Variants in COL11A2 observed in about 807,000 individuals in gnomAD.
COL11A2 encodes the protein collagen alpha-2(XI) chain.
In COL11A2, 116 loss-of-function variants were observed where a neutral mutation model predicts 273.4. That is an observed-to-expected ratio of 0.42 (90% CI 0.36 to 0.49). COL11A2 has a LOEUF of 0.49. COL11A2 is among the 20% of genes least tolerant of loss of function. COL11A2 has a pLI of 0.00. For missense variants in COL11A2, 1,866 were observed against 2,309.0 expected (o/e 0.81, Z 3.93); for synonymous variants, 782 against 864.2 (o/e 0.90, Z 1.67).
Position 33,177,922 on chromosome 6 carries a change from C to A in COL11A2, c.1872+210G>T. ...TTTCTTGAAGATTTATTTCCTATGC[C>A]CAGAGCCCTCAGGGCACCACGCCAC... On this transcript the variant is annotated intron_variant, in intron 21 of 65. Coordinates refer to ENST00000341947, the MANE Select transcript of COL11A2 (RefSeq NM_080680.3). This position sits in a 1 kb window ranked among gnomAD's most constrained non-coding sequence, Gnocchi z 5.9. The A allele has an allele frequency of 1.3e-6, 1 of 764,228 alleles. No individual in the cohort carries two copies. Among genetic ancestry groups the A allele is most frequent in the South Asian group, 1.7e-5 (1 of 57,770 alleles). 47.3% of individuals were successfully genotyped at this position (764,228 alleles called of 1,614,324 possible).
chr6:33,171,701 C>T lies in COL11A2; in HGVS notation c.3150+12G>A, dbSNP rs761805389. On this transcript the variant is annotated intron_variant, in intron 42 of 65. Transcript: ENST00000341947. ...CCTCCCCAGTACCCCTCCCCAATAC[C>T]CCCACACTCACTGGGACACCTTTCT... 3.7e-6 allele frequency: 6 copies of T among 1,611,902 alleles called. No homozygotes were observed. Among genetic ancestry groups the T allele is most frequent in the Non-Finnish European group, 5.1e-6 (6 of 1,179,308 alleles).
At position 33,168,987 on chromosome 6, in the gene COL11A2, C is replaced by G. The variant is rs1769630992; in HGVS notation, c.3820G>C (p.Asp1274His). ...CCACCTTCTCCAGGGGGGCCAGGGT[C>G]ACCAGGAAAACCAACAGGACCCTGA... ...GNPGPVGFPG[D>H]PGPPGEGGPR... Residue 1274 changes from aspartate to histidine, a missense_variant, in exon 52 of 66, where the codon GAC (aspartate) becomes CAC (histidine). Asp to His is a moderately conservative substitution (Grantham distance 81, BLOSUM62 -1). Transcript: ENST00000341947. 1.9e-6 allele frequency: 3 copies of G among 1,606,388 alleles called. No homozygotes were observed. In the African/African-American group the frequency reaches 4.0e-5, roughly 22 times the overall value.
rs573761003 is a variant in COL11A2 at position 33,192,113 on chromosome 6, AG to A, written c.82+45del. Reference sequence around the variant, plus strand: ...CTGGCCCCTTCCCAGAGACACTCAGAGCTCCAGCCTGACTCCGAGGACCCAG... The same window carrying A: ...CTGGCCCCTTCCCAGAGACACTCAGACTCCAGCCTGACTCCGAGGACCCAG... On this transcript the variant is annotated intron_variant, in intron 1 of 65. Transcript: ENST00000341947. 2.1e-4 allele frequency: 316 copies of A among 1,524,478 alleles called. 4 individuals are homozygous for A. In the Admixed American group the frequency reaches 3.4e-3, roughly 17 times the overall value. 94.4% of individuals were successfully genotyped at this position (1,524,478 alleles called of 1,614,324 possible). A position where few individuals can be genotyped will look rare whatever the true frequency, so the allele number is the denominator to read the frequency against.
chr6:33,170,010 C>T lies in COL11A2; in HGVS notation c.3636+37G>A. Reference sequence around the variant, plus strand: ...GCAGAAATCCAACTCCCATCCCCCACTTCCATGACTGGTCCACTCACCCCC... The same window carrying T: ...GCAGAAATCCAACTCCCATCCCCCATTTCCATGACTGGTCCACTCACCCCC... On this transcript the variant is annotated intron_variant, in intron 49 of 65. Transcript: ENST00000341947. This position sits in a 1 kb window ranked among gnomAD's most constrained non-coding sequence, Gnocchi z 4.3. 2 of 1,613,300 alleles carry T rather than the reference C, an allele frequency of 1.2e-6. No homozygotes were observed. The highest frequency in any genetic ancestry group is 1.7e-6 in the Non-Finnish European group (2 of 1,179,836).
At position 33,166,876 on chromosome 6, in the gene COL11A2, G is replaced by C. The variant is rs1476013770; in HGVS notation, c.4231-49C>G. 1 of 1,590,906 alleles carries C rather than the reference G, an allele frequency of 6.3e-7. No homozygotes were observed. Among genetic ancestry groups the C allele is most frequent in the East Asian group, 2.3e-5 (1 of 44,292 alleles). On this transcript the variant is annotated intron_variant, in intron 58 of 65. Coordinates refer to ENST00000341947, the MANE Select transcript of COL11A2 (RefSeq NM_080680.3). The surrounding 1 kb of genome is among the most constrained non-coding windows in gnomAD (Gnocchi z 4.8). ...AGAGAATGCAAAGAGGAGTCATGTG[G>C]ATGGGGGAGAAGGGCCAAGAGGACA...
Position 33,170,642 on chromosome 6 carries a change from G to T in COL11A2, c.3475-32C>A, listed in dbSNP as rs1769906057. The T allele has an allele frequency of 7.4e-6, 12 of 1,612,302 alleles. No homozygotes were observed. Among genetic ancestry groups the T allele is most frequent in the Non-Finnish European group, 1.0e-5 (12 of 1,179,502 alleles). On this transcript the variant is annotated intron_variant, in intron 46 of 65. Coordinates refer to ENST00000341947, the MANE Select transcript of COL11A2 (RefSeq NM_080680.3). This position sits in a 1 kb window ranked among gnomAD's most constrained non-coding sequence, Gnocchi z 4.3. Reference sequence around the variant, plus strand: ...AAGTATACAAAACATGGGCCCAGGTGACGACCCCACCCAAAGCACAGCCCT... The same window carrying T: ...AAGTATACAAAACATGGGCCCAGGTTACGACCCCACCCAAAGCACAGCCCT...
At position 33,167,042 on chromosome 6, in the gene COL11A2, C is replaced by G. The variant is rs370846666; in HGVS notation, c.4230+28G>C. 3.1e-6 allele frequency: 5 copies of G among 1,612,686 alleles called. No homozygotes were observed. In the South Asian group the frequency reaches 3.3e-5, roughly 11 times the overall value. ...AGGGGCGAGGGTGATGGGAGAGACA[C>G]CTGGCCACGTGTCTGTCTGTCACTC... On this transcript the variant is annotated intron_variant, in intron 58 of 65. Coordinates refer to ENST00000341947, the MANE Select transcript of COL11A2 (RefSeq NM_080680.3). The surrounding 1 kb of genome is among the most constrained non-coding windows in gnomAD (Gnocchi z 6.1).
rs114128868 is a variant in COL11A2, at chr6:33,184,610, A to G, written c.940-286T>C. On this transcript the variant is annotated intron_variant, in intron 7 of 65. Transcript: ENST00000341947. ...TGGATGCAGAGTGGACAGTCCATGG[A>G]CACAATGACAGACAAAGGAGTCCAG... Among the ~76,000 whole-genome samples the G allele has an allele frequency of 0.14, 21,586 of 152,224 alleles. 2,069 individuals are homozygous for G. The highest frequency in any genetic ancestry group is 0.26 in the Admixed American group (3,969 of 15,284).
At chr6:33,183,336 C>T (rs1771961278) in intron 8 of COL11A2, among the ~76,000 whole-genome samples, 1 of 152,038 alleles carries the variant, frequency 6.6e-6, no homozygotes, top group East Asian at 1.9e-4. Context: ...AGGAAGTGAA[C>T]CTTCAACAAC....
In COL11A2 at chr6:33,188,503, A is replaced by C. The variant is rs746956217; in HGVS notation, c.465T>G (p.Ala155=). The C allele has an allele frequency of 2.5e-6, 4 of 1,613,070 alleles. No individual in the cohort carries two copies. The highest frequency in any genetic ancestry group is 1.7e-5 in the Admixed American group (1 of 60,030). Residue 155 remains alanine, a synonymous_variant, in exon 4 of 66, where the codon GCT becomes GCG. Transcript: ENST00000341947. Reference sequence around the variant, plus strand: ...TGAGGGTGACAGACTGGCCCTTCACAGCCACAGCCACACGGTGCCACCTGG... The same window carrying C: ...TGAGGGTGACAGACTGGCCCTTCACCGCCACAGCCACACGGTGCCACCTGG... ...ADGKWHRVAV[A]VKGQSVTLIV...
chr6:33,172,563 T>A lies in COL11A2; in HGVS notation c.2865A>T (p.Gly955=), dbSNP rs1770260021. ...CTTCTTTTCCAGCTGTCCCAGGTAG[T>A]CCCTGCTCTCCAGGGGGCCCCGGGG... ...PGPPGPPGEQ[G]LPGTAGKEGT... Residue 955 remains glycine (G), a synonymous_variant, in exon 39 of 66, where the codon GGA becomes GGT. Transcript: ENST00000341947. The A allele has an allele frequency of 1.2e-6, 2 of 1,612,444 alleles. No individual in the cohort carries two copies. The highest frequency in any genetic ancestry group is 1.7e-6 in the Non-Finnish European group (2 of 1,179,860).
Position 33,170,476 on chromosome 6 carries a change from G to A in COL11A2, c.3528+81C>T. The A allele has an allele frequency of 6.4e-7, 1 of 1,574,066 alleles. No individual in the cohort carries two copies. Among genetic ancestry groups the A allele is most frequent in the Admixed American group, 1.7e-5 (1 of 58,568 alleles). ...GGAGGAGCAGCCAGGCCAGGGAGTT[G>A]GCAGTGGGGTGTGGGGTGGGGGCTG... On this transcript the variant is annotated intron_variant, in intron 47 of 65. Coordinates refer to ENST00000341947, the MANE Select transcript of COL11A2 (RefSeq NM_080680.3). The surrounding 1 kb of genome is among the most constrained non-coding windows in gnomAD (Gnocchi z 4.3).
At position 33,179,927 on chromosome 6, in the gene COL11A2, T is replaced by G; in HGVS notation, c.1360-122A>C. ...GGTTCTGCCCATCCAGCATTTCCCA[T>G]GGCTTCCAGATAATCACTTAGAGGA... On this transcript the variant is annotated intron_variant, in intron 12 of 65. Coordinates refer to ENST00000341947, the MANE Select transcript of COL11A2 (RefSeq NM_080680.3). The surrounding 1 kb of genome is among the most constrained non-coding windows in gnomAD (Gnocchi z 6.4). 1 of 911,146 alleles carries G rather than the reference T, an allele frequency of 1.1e-6. No homozygotes were observed. The highest frequency in any genetic ancestry group is 1.8e-6 in the Non-Finnish European group (1 of 566,456). The allele number at this position is 911,146 out of a possible 1,614,324, so 56.4% of individuals were successfully genotyped here.
Position 33,173,848 on chromosome 6 carries a change from T to C in COL11A2, c.2583+25A>G, listed in dbSNP as rs1770503663. 1.2e-6 allele frequency: 2 copies of C among 1,613,850 alleles called. No homozygotes were observed. Among genetic ancestry groups the C allele is most frequent in the Non-Finnish European group, 1.7e-6 (2 of 1,179,778 alleles). ...CTGGGGCTGAGTGGGCAGGGGGCAG[T>C]TGGAGCCTTGTAGAGACCATTCACC... On this transcript the variant is annotated intron_variant, in intron 34 of 65. Transcript: ENST00000341947. This position sits in a 1 kb window ranked among gnomAD's most constrained non-coding sequence, Gnocchi z 6.3.
Position 33,164,931 on chromosome 6 carries a change from G to A in COL11A2, c.4784C>T (p.Ala1595Val). 6.3e-7 allele frequency: 1 copy of A among 1,580,102 alleles called. No homozygotes were observed. Among genetic ancestry groups the A allele is most frequent in the Non-Finnish European group, 8.6e-7 (1 of 1,161,638 alleles). The part of the protein sequence containing the change: ...EYWVDPNQGC[A>V]RDAFRVFCNF... ...GCAGAAAACTCGGAAGGCATCCCGAGCACAGCCCTGGTTGGGGTCGACCCA... is the reference window on the plus strand; with the variant it reads ...GCAGAAAACTCGGAAGGCATCCCGAACACAGCCCTGGTTGGGGTCGACCCA... The change falls in exon 64 of 66, where the codon GCT becomes GTT. Residue 1595 changes from alanine to valine, a missense_variant. By Grantham distance (64) the Ala-to-Val change is moderately conservative (BLOSUM62 0). Transcript: ENST00000341947. The surrounding 1 kb of genome is among the most constrained non-coding windows in gnomAD (Gnocchi z 4.7).
chr6:33,164,911 A>G lies in COL11A2; in HGVS notation c.4804T>C (p.Phe1602Leu). The G allele has an allele frequency of 6.3e-7, 1 of 1,581,330 alleles. No individual in the cohort carries two copies. Among genetic ancestry groups the G allele is most frequent in the Non-Finnish European group, 8.6e-7 (1 of 1,162,344 alleles). The change falls in exon 64 of 66, where the codon TTC (phenylalanine) becomes CTC (leucine). Residue 1602 changes from phenylalanine to leucine, a missense_variant. By Grantham distance (22) the Phe-to-Leu change is conservative. Coordinates refer to ENST00000341947, the MANE Select transcript of COL11A2 (RefSeq NM_080680.3). This position sits in a 1 kb window ranked among gnomAD's most constrained non-coding sequence, Gnocchi z 4.7. ...QGCARDAFRV[F>L]CNFTAGGETC... ...TCACCCCCTGCTGTGAAGTTGCAGA[A>G]AACTCGGAAGGCATCCCGAGCACAG...
intron 8 of COL11A2, among the ~76,000 whole-genome samples, chr6:33,181,461 T>TTTTG (rs1310767372): frequency 5.3e-5 from 8 of 151,994 alleles, no homozygotes; most frequent in South Asian, 4.2e-4. Flanking sequence ...CTTCCAGTGT[T>TTTTG]TTTGTTTGTT....
chr6:33,176,329 A>C lies in COL11A2; in HGVS notation c.2170-26T>G. 3.7e-6 allele frequency: 6 copies of C among 1,602,856 alleles called. No homozygotes were observed. Among genetic ancestry groups the C allele is most frequent in the Non-Finnish European group, 5.1e-6 (6 of 1,174,474 alleles). On this transcript the variant is annotated intron_variant, in intron 27 of 65. Coordinates refer to ENST00000341947, the MANE Select transcript of COL11A2 (RefSeq NM_080680.3). This position sits in a 1 kb window ranked among gnomAD's most constrained non-coding sequence, Gnocchi z 4.9. ...CTAGAATTAGAGAGGGGATAGAAGT[A>C]GACTGATCAGGGGATGGAGGTGGGT...
At chr6:33,193,097 T>C (rs370113471), upstream of COL11A2, among the ~76,000 whole-genome samples, 68 of 150,908 alleles carry the variant, frequency 4.5e-4, no homozygotes, top group African/African-American at 1.6e-3. Context: ...AGAGCCGAGG[T>C]AGAGGGGGAG....
Sources: gnomAD v4.1 joint callset for allele counts (sites outside exome capture counted in the v4.1 genomes callset) on GRCh38, gnomAD v4.1.1 for gene constraint, Gnocchi (gnomAD v3.1) non-coding constraint, MANE v1.5 for transcripts, NCBI Gene and HGNC (gene_info 2026-07-23, HGNC 2026-07-21) for gene names.